Variants in MED23 observed in about 807,000 individuals in gnomAD.
MED23 encodes the protein mediator complex subunit 23.
A neutral mutation model predicts 163.9 loss-of-function variants in MED23; 105 were observed. The observed-to-expected ratio is 0.64, with a 90% CI of 0.55 to 0.75. The LOEUF (loss-of-function observed/expected upper bound fraction) is 0.75, where lower values mean the gene tolerates loss of function less well. MED23 is among the 30% of genes least tolerant of loss of function. The probability of loss-of-function intolerance (pLI) is 0.00; values close to 1 mark genes in which losing one functional copy is unlikely to be tolerated. For synonymous variants in MED23, 561 were observed against 565.6 expected, an observed-to-expected ratio of 0.99 and a Z score of 0.12; for missense variants, 1,054 against 1,649.0, an observed-to-expected ratio of 0.64 and a Z score of 6.25.
downstream of MED23, chr6:131,584,042 C>T (rs958728303): frequency 4.8e-5 from 47 of 971,490 alleles, no homozygotes; most frequent in Non-Finnish European, 6.4e-5. Flanking sequence ...ATAAACTCTA[C>T]AAATTCCCTC....
downstream of MED23, chr6:131,584,107 A>G (rs1774081567): frequency 1.6e-6 from 1 of 621,260 alleles, no homozygotes. Context: ...TTAAAAGCTT[A>G]TATTTTCTAA....
chr6:131,585,208 G>C (rs1435433576), downstream of MED23, among the ~76,000 whole-genome samples: 2 of 152,080 alleles, frequency 1.3e-5, no homozygotes, highest in African/African-American at 4.8e-5. Flanking sequence ...CTGGAGTGTA[G>C]TAAGGAAAAT....
chr6:131,583,673 AGTCT>A, downstream of MED23: 1 of 1,563,612 alleles, frequency 6.4e-7, no homozygotes, highest in South Asian at 1.1e-5. Flanking sequence ...TAATCTTTCA[AGTCT>A]GTCTGTACTA....
chr6:131,595,696 C>T (rs558567282), intron 22 of MED23, among the ~76,000 whole-genome samples: 2 of 152,300 alleles, frequency 1.3e-5, no homozygotes, highest in South Asian at 2.1e-4. Flanking sequence ...AAATCCTACC[C>T]ATCCAAGAAG....
chr6:131,596,577 T>A lies in MED23; in HGVS notation c.2719A>T (p.Asn907Tyr). Residue 907 changes from asparagine (N) to tyrosine (Y), a missense_variant, in exon 21 of 29, where the codon AAT becomes TAT. By Grantham distance (143) the Asn-to-Tyr change is moderately radical. Around this residue, in one of 11 missense-constraint regions of MED23, gnomAD observed 228 missense variants for 461.3 expected, o/e 0.49. Transcript: ENST00000368068. ...RNRVSDFVKE[N>Y]SPEHWLQNDW... ...TTCTGTAACCAGTGCTCTGGGGAAT[T>A]TTCCTTCACAAAGTCACTTACTCGA... The A allele has an allele frequency of 1.2e-6, 2 of 1,614,204 alleles. No individual in the cohort carries two copies. The highest frequency in any genetic ancestry group is 3.3e-5 in the Admixed American group (2 of 60,024).
At chr6:131,594,655 C>T (rs1050691008) in intron 22 of MED23, among the ~76,000 whole-genome samples, 2 of 151,992 alleles carry the variant, frequency 1.3e-5, no homozygotes, top group Non-Finnish European at 2.9e-5. Context: ...TTTATACTAG[C>T]GAAAGATGAA....
intron 10 of MED23, 60 bp downstream of exon 10, chr6:131,615,847 G>A (rs1295392522): frequency 9.5e-6 from 12 of 1,265,940 alleles, no homozygotes; most frequent in Admixed American, 3.4e-5. Flanking sequence ...GCAAAGAAAA[G>A]AGAAAAGAAT....
Position 131,598,853 on chromosome 6 carries a change from C to T in MED23, c.2221-92G>A. 8.3e-7 allele frequency: 1 copy of T among 1,211,878 alleles called. No individual in the cohort carries two copies. Among genetic ancestry groups the T allele is most frequent in the Non-Finnish European group, 1.2e-6 (1 of 828,012 alleles). 75.1% of individuals were successfully genotyped at this position (1,211,878 alleles called of 1,614,324 possible). A position where few individuals can be genotyped will look rare whatever the true frequency, so the allele number is the denominator to read the frequency against. ...AAACCAGTTCTAGACTTGATTCTGA[C>T]ACTAATAAACTCTAGGTCACCTTGA... On this transcript the variant is annotated intron_variant, in intron 18 of 28. Transcript: ENST00000368068. This position sits in a 1 kb window ranked among gnomAD's most constrained non-coding sequence, Gnocchi z 4.7.
intron 2 of MED23, 75 bp from the exon 3 acceptor site, chr6:131,627,558 T>G (rs1006382891): frequency 6.3e-7 from 1 of 1,590,826 alleles, no homozygotes; most frequent in Non-Finnish European, 8.6e-7. Context: ...TAGTGGATCT[T>G]ATAACCTTCC....
At position 131,625,030 on chromosome 6, in the gene MED23, A is replaced by C. The variant is rs1777383550; in HGVS notation, c.160-41T>G. The C allele has an allele frequency of 4.4e-6, 7 of 1,602,696 alleles. No individual in the cohort carries two copies. The East Asian group carries it at 1.6e-4, about 36-fold the overall frequency. ...ATGATTTTACTTGGGGTCTAAAGTT[A>C]CATTTTTATAACCAATAGCTAATAC... On this transcript the variant is annotated intron_variant, in intron 3 of 28. Coordinates refer to ENST00000368068, the MANE Select transcript of MED23 (RefSeq NM_004830.4).
chr6:131,620,804 A>ATT (rs763118261), intron 6 of MED23, 75 bp from the exon 7 acceptor site: 579 of 667,792 alleles, frequency 8.7e-4, no homozygotes, highest in East Asian at 2.1e-3. Flanking sequence ...TATTATCATT[A>ATT]TTTTTTTTTT....
chr6:131,596,301 T>C, intron 21 of MED23, 138 bp from the exon 22 acceptor site: 1 of 910,518 alleles, frequency 1.1e-6, no homozygotes, highest in Non-Finnish European at 1.7e-6. Context: ...CTTTACTTCT[T>C]TTTATAGAAG....
rs553975130 is a variant in MED23, at chr6:131,615,925, C to G, written c.858G>C (p.Met286Ile). ...QPYSRDMVCN[M>I]LGLNKQHKQR... ...ACAGTACCTGCTTATTTAAACCTAGCATATTGCAGACCATATCCCTGGAAT... is the reference window on the plus strand; with the variant it reads ...ACAGTACCTGCTTATTTAAACCTAGGATATTGCAGACCATATCCCTGGAAT... The change falls in exon 10 of 29, where the codon ATG becomes ATC. Residue 286 changes from methionine to isoleucine, a missense_variant. Met to Ile is a conservative substitution (Grantham distance 10). Around this residue, in one of 11 missense-constraint regions of MED23, gnomAD observed 26 missense variants for 28.4 expected, o/e 0.92. Coordinates refer to ENST00000368068, the MANE Select transcript of MED23 (RefSeq NM_004830.4). 1 of 1,612,966 alleles carries G rather than the reference C, an allele frequency of 6.2e-7. No homozygotes were observed.
At chr6:131,627,527 G>T in intron 2 of MED23, 44 bp from the exon 3 acceptor site, 2 of 1,593,458 alleles carry the variant, frequency 1.3e-6, no homozygotes, top group Non-Finnish European at 1.7e-6. Flanking sequence ...GTTTTAAAAA[G>T]GTAATTACAC....
chr6:131,613,741 AT>A (rs1776444437), intron 10 of MED23, among the ~76,000 whole-genome samples: 2 of 152,202 alleles, frequency 1.3e-5, no homozygotes, highest in African/African-American at 4.8e-5. Flanking sequence ...TTCTGTCAGC[AT>A]TTCCATTATA....
chr6:131,608,153 T>C, intron 11 of MED23, 82 bp from the exon 12 acceptor site: 1 of 1,521,772 alleles, frequency 6.6e-7, no homozygotes, highest in Non-Finnish European at 8.9e-7. Flanking sequence ...TTTTTTGTTT[T>C]TGTTTTTAAG....
chr6:131,624,029 T>G (rs1777305733), intron 4 of MED23, among the ~76,000 whole-genome samples: 1 of 152,230 alleles, frequency 6.6e-6, no homozygotes, highest in East Asian at 1.9e-4. Context: ...ATATTCATTA[T>G]GTTATATTTT....
intron 23 of MED23, among the ~76,000 whole-genome samples, 175 bp from the exon 24 acceptor site, chr6:131,593,346 A>G (rs997954380): frequency 2.0e-5 from 3 of 152,246 alleles, no homozygotes; most frequent in African/African-American, 7.2e-5. Context: ...CATTTGATTA[A>G]CCACAGGTAT....
At chr6:131,576,606 T>C in intron 30 of MED23, 3 of 1,491,830 alleles carry the variant, frequency 2.0e-6, no homozygotes, top group South Asian at 1.1e-5. Flanking sequence ...GGGTTCCTGC[T>C]GTGAGCATCT....
Sources: allele counts gnomAD v4.1 joint callset (sites outside exome capture counted in the v4.1 genomes callset), GRCh38; gene constraint gnomAD v4.1.1; regional missense constraint gnomAD v4.1.1; non-coding constraint Gnocchi (gnomAD v3.1); transcripts MANE v1.5; gene names NCBI Gene and HGNC (gene_info 2026-07-23, HGNC 2026-07-21).